The following LRRIQ1 variants were observed in gnomAD, a reference collection of about 807,000 sequenced individuals.
LRRIQ1 encodes the protein leucine-rich repeat- and IQ domain-containing protein 1.
A neutral mutation model predicts 211.9 loss-of-function variants in LRRIQ1; 210 were observed. The observed-to-expected ratio is 0.99, with a 90% CI of 0.89 to 1.11. The LOEUF is 1.11. Among genes scored for constraint, LRRIQ1 ranks in the 50% most tolerant of loss-of-function variants. The pLI is 0.00. For missense variants in LRRIQ1, 2,136 were observed against 1,939.5 expected, an observed-to-expected ratio of 1.10 and a Z score of -1.90; for synonymous variants, 699 against 650.1, an observed-to-expected ratio of 1.08 and a Z score of -1.14.
At chr12:85,201,701 TA>T (rs1893307551) in intron 24 of LRRIQ1, among the ~76,000 whole-genome samples, 1 of 152,178 alleles carries the variant, frequency 6.6e-6, no homozygotes, top group Admixed American at 6.5e-5. Context: ...TTAGTCTAGC[TA>T]GTTGTCTTTC....
At chr12:85,184,779 G>A (rs944934320) in intron 24 of LRRIQ1, among the ~76,000 whole-genome samples, 3 of 151,818 alleles carry the variant, frequency 2.0e-5, no homozygotes, top group African/African-American at 7.3e-5. Flanking sequence ...TTTTAATGAG[G>A]TCAAGAAGTA....
intron 8 of LRRIQ1, among the ~76,000 whole-genome samples, chr12:85,064,184 A>G (rs1489356392): frequency 6.6e-6 from 1 of 151,682 alleles, no homozygotes; most frequent in Non-Finnish European, 1.5e-5. Flanking sequence ...CATCCTCTCC[A>G]GCATTTGCCT....
intron 24 of LRRIQ1, among the ~76,000 whole-genome samples, chr12:85,176,501 C>A (rs1184282566): frequency 1.4e-5 from 2 of 145,516 alleles, no homozygotes. Context: ...AACAAAAAAC[C>A]AAACACCACA....
intron 15 of LRRIQ1, among the ~76,000 whole-genome samples, chr12:85,115,115 G>A (rs1887480946): frequency 6.6e-6 from 1 of 152,110 alleles, no homozygotes; most frequent in African/African-American, 2.4e-5. Context: ...TTAAGTGGTG[G>A]AATATTCACC....
At chr12:85,076,493 A>G in intron 11 of LRRIQ1, 1 of 263,722 alleles carries the variant, frequency 3.8e-6, no homozygotes, top group Non-Finnish European at 5.9e-6. Flanking sequence ...CACATCATAT[A>G]TTCCTAAAAA....
intron 1 of LRRIQ1, among the ~76,000 whole-genome samples, chr12:85,257,050 A>T: frequency 8.6e-6 from 1 of 116,018 alleles, no homozygotes; most frequent in East Asian, 2.1e-4. Flanking sequence ...ATATAATTAT[A>T]TATATAATTA....
At chr12:85,097,611 A>G (rs1886003733) in intron 11 of LRRIQ1, among the ~76,000 whole-genome samples, 1 of 152,120 alleles carries the variant, frequency 6.6e-6, no homozygotes, top group African/African-American at 2.4e-5. Context: ...TGGCTACATA[A>G]TTTTAACGAA....
At position 85,229,521 on chromosome 12, in the gene LRRIQ1, A is replaced by G. The variant is rs1187592292; in HGVS notation, c.4827A>G (p.Ile1609Met). Residue 1609 changes from isoleucine to methionine, a missense_variant, in exon 25 of 27, where the codon ATA (isoleucine) becomes ATG (methionine). By Grantham distance (10) the Ile-to-Met change is conservative (BLOSUM62 1). Coordinates refer to ENST00000393217, the MANE Select transcript of LRRIQ1 (RefSeq NM_001079910.2). ...CGTTCCATATTTCTTTCACAGGTAT[A>G]GAAGAAGACCCTATCCACAAAGATA... ...QPRRDGYFEG[I>M]EEDPIHKDTT... 1 of 1,605,432 alleles carries G rather than the reference A, an allele frequency of 6.2e-7. No homozygotes were observed. The highest frequency in any genetic ancestry group is 1.1e-5 in the South Asian group (1 of 89,618).
rs760684074 is a variant in LRRIQ1 at position 85,057,096 on chromosome 12, A to C, written c.2303A>C (p.Lys768Thr). The C allele has an allele frequency of 6.2e-7, 1 of 1,607,408 alleles. No homozygotes were observed. Among genetic ancestry groups the C allele is most frequent in the East Asian group, 2.2e-5 (1 of 44,768 alleles). ...QNQQKKIVRR[K>T]RPVKCPANMT... is the part of the protein sequence containing the mutation. ...CAACAAAAGAAAATTGTTAGAAGAA[A>C]GAGACCTGTGAAATGCCCAGCCAAC... The change falls in exon 8 of 27, where the codon AAG becomes ACG. Residue 768 changes from lysine to threonine, a missense_variant. Transcript: ENST00000393217.
chr12:85,132,095 C>T (rs1888804552), intron 18 of LRRIQ1, among the ~76,000 whole-genome samples: 1 of 151,868 alleles, frequency 6.6e-6, no homozygotes, highest in African/African-American at 2.4e-5. Context: ...AAGCCCAGAC[C>T]CTGATGATTT....
chr12:85,068,378 T>C (rs1053196266), intron 10 of LRRIQ1, among the ~76,000 whole-genome samples: 1 of 151,946 alleles, frequency 6.6e-6, no homozygotes, highest in Non-Finnish European at 1.5e-5. Context: ...TGTGTATATT[T>C]TGTTTTTTCT....
chr12:85,177,264 A>G (rs144869904), intron 24 of LRRIQ1, among the ~76,000 whole-genome samples: 4 of 152,264 alleles, frequency 2.6e-5, no homozygotes, highest in Admixed American at 2.6e-4. Context: ...AGATGAGGGT[A>G]CAGTGATCAA....
chr12:85,166,982 G>T (rs1891182918), intron 24 of LRRIQ1, among the ~76,000 whole-genome samples: 1 of 152,096 alleles, frequency 6.6e-6, no homozygotes, highest in African/African-American at 2.4e-5. Context: ...GTTTTTTGAT[G>T]AATAACTGAA....
Position 85,039,871 on chromosome 12 carries a change from AT to A in LRRIQ1, c.133-618del, listed in dbSNP as rs530892747. Among the ~76,000 whole-genome samples, 385 of 151,702 alleles carry A rather than the reference AT, an allele frequency of 2.5e-3. 4 individuals carry two copies. The highest frequency in any genetic ancestry group is 9.1e-3 in the African/African-American group (378 of 41,512). On this transcript the variant is annotated intron_variant, in intron 2 of 26. Transcript: ENST00000393217. Reference sequence around the variant, plus strand: ...TGCTTCAAGTATTTTGTTGTTATGAATATTATTTATTTGCATTATATTTTCT... The same window carrying A: ...TGCTTCAAGTATTTTGTTGTTATGAAATTATTTATTTGCATTATATTTTCT...
At chr12:85,242,968 G>A (rs767187737) in intron 26 of LRRIQ1, among the ~76,000 whole-genome samples, 4 of 151,646 alleles carry the variant, frequency 2.6e-5, no homozygotes, top group African/African-American at 9.7e-5. Flanking sequence ...TTGACTGTAG[G>A]TTTTGTCTTA....
At chr12:85,149,817 G>C in intron 19 of LRRIQ1, among the ~76,000 whole-genome samples, 1 of 151,692 alleles carries the variant, frequency 6.6e-6, no homozygotes, top group South Asian at 2.1e-4. Context: ...AAATTTCTAA[G>C]AGATAGTAGT....
chr12:85,098,427 T>G lies in LRRIQ1; in HGVS notation c.2960T>G (p.Leu987Arg), dbSNP rs779358890. The change falls in exon 12 of 27, where the codon CTT becomes CGT. Residue 987 changes from leucine (L) to arginine (R), a missense_variant. Transcript: ENST00000393217. ...AATCAGTTAATTAATACAAAAGGTC[T>G]TTGTGATACACCTACCATTGTATAC... The part of the protein sequence containing the change: ...DHNQLINTKG[L>R]CDTPTIVYLD... 3 of 1,610,868 alleles carry G rather than the reference T, an allele frequency of 1.9e-6. No individual in the cohort carries two copies. Among genetic ancestry groups the G allele is most frequent in the African/African-American group, 2.7e-5 (2 of 74,838 alleles).
chr12:85,263,332 A>G (rs1035620820), exon 2 of LRRIQ1: 2 of 152,176 alleles, frequency 1.3e-5, no homozygotes, highest in African/African-American at 4.8e-5. Flanking sequence ...TTTAGTTTTA[A>G]TTTTTATGAC....
chr12:85,116,866 A>G (rs917269741), intron 15 of LRRIQ1, among the ~76,000 whole-genome samples: 1 of 152,040 alleles, frequency 6.6e-6, no homozygotes, highest in Non-Finnish European at 1.5e-5. Flanking sequence ...ATGTTACCAC[A>G]AAGGACATGA....
Sources: gnomAD v4.1 joint callset for allele counts (sites outside exome capture counted in the v4.1 genomes callset) on GRCh38, gnomAD v4.1.1 for gene constraint, MANE v1.5 for transcripts, NCBI Gene and HGNC (gene_info 2026-07-23, HGNC 2026-07-21) for gene names.